Variants in RPS6KC1 observed in about 807,000 individuals in gnomAD.
The protein encoded by RPS6KC1 is inactive ribosomal protein S6 kinase delta-1.
Under a neutral mutation model 103.8 loss-of-function variants are expected in RPS6KC1, and 54 were observed. The observed-to-expected ratio is 0.52, with a 90% CI of 0.42 to 0.65. The LOEUF is 0.65. RPS6KC1 is among the 30% of genes least tolerant of loss of function. The pLI is 0.00. For missense variants in RPS6KC1, 1,151 were observed against 1,253.8 expected (o/e 0.92, Z 1.24); for synonymous variants, 439 against 438.7 (o/e 1.00, Z -0.01).
chr1:213,322,981 C>G, the RPS6KC1 span, among the ~76,000 whole-genome samples: 1 of 130,354 alleles, frequency 7.7e-6, no homozygotes, highest in Non-Finnish European at 1.6e-5. Context: ...TCAAGCTGGT[C>G]TCGAACCCCT....
At chr1:213,380,784 C>T in the RPS6KC1 span, among the ~76,000 whole-genome samples, 1 of 152,168 alleles carries the variant, frequency 6.6e-6, no homozygotes, top group East Asian at 1.9e-4. Flanking sequence ...GGTTCTTCTT[C>T]CTCGTCTCAG....
At chr1:213,260,040 T>C (rs2094747673) in intron 12 of RPS6KC1, among the ~76,000 whole-genome samples, 1 of 152,210 alleles carries the variant, frequency 6.6e-6, no homozygotes, top group South Asian at 2.1e-4. Context: ...CGCCTGGCCC[T>C]ATTTAAAATG....
the RPS6KC1 span, among the ~76,000 whole-genome samples, chr1:213,283,740 A>C: frequency 1.3e-5 from 2 of 152,196 alleles, no homozygotes; most frequent in Non-Finnish European, 2.9e-5. Context: ...GAGTGGAATT[A>C]AAAGGGAATA....
chr1:213,594,747 G>A, the RPS6KC1 span, among the ~76,000 whole-genome samples: 1 of 152,200 alleles, frequency 6.6e-6, no homozygotes. Flanking sequence ...ACCCATTAGG[G>A]CATGGAGTCT....
At chr1:213,561,582 C>A in the RPS6KC1 span, among the ~76,000 whole-genome samples, 8 of 152,200 alleles carry the variant, frequency 5.3e-5, no homozygotes, top group Non-Finnish European at 1.2e-4. Context: ...CAGCTGGGCT[C>A]CCTTACCACT....
intron 5 of RPS6KC1, among the ~76,000 whole-genome samples, chr1:213,120,184 C>T (rs188534138): frequency 1.9e-4 from 29 of 152,192 alleles, no homozygotes; most frequent in African/African-American, 6.3e-4. Flanking sequence ...CCTGTCAGTG[C>T]GGTTTAGTTT....
chr1:213,183,052 C>T (rs962340358), intron 8 of RPS6KC1, among the ~76,000 whole-genome samples: 4 of 151,450 alleles, frequency 2.6e-5, no homozygotes, highest in Admixed American at 2.0e-4. Context: ...AAATATGCTT[C>T]ATACCAAAGA....
At chr1:213,845,622 T>C in the RPS6KC1 span, among the ~76,000 whole-genome samples, 1 of 152,206 alleles carries the variant, frequency 6.6e-6, no homozygotes, top group Non-Finnish European at 1.5e-5. Context: ...AAGAATCTTG[T>C]TATGTGAAGG....
intron 3 of RPS6KC1, among the ~76,000 whole-genome samples, chr1:213,100,119 C>T (rs78070698): frequency 0.012 from 1,757 of 152,320 alleles, 18 homozygotes; most frequent in Middle Eastern, 0.031. Flanking sequence ...CTCTTACCAA[C>T]ATTGGGCATT....
the RPS6KC1 span, among the ~76,000 whole-genome samples, chr1:213,404,814 A>C: frequency 2.0e-5 from 3 of 152,210 alleles, no homozygotes; most frequent in East Asian, 5.8e-4. Flanking sequence ...TTTCTTCTCA[A>C]ATGATACTAA....
chr1:213,194,146 G>T (rs1280874488), intron 8 of RPS6KC1, among the ~76,000 whole-genome samples: 1 of 152,010 alleles, frequency 6.6e-6, no homozygotes. Flanking sequence ...GCTCTGCATG[G>T]TTTCCATTGG....
In RPS6KC1 at chr1:213,241,500, A is replaced by T. The variant is rs1275723734; in HGVS notation, c.2024A>T (p.Asp675Val). ...TCAGTGCCAGTTATTTCATTTAAAGATGCTGCTTTTGATGATGTCAGTGGT... is the reference window on the plus strand; with the variant it reads ...TCAGTGCCAGTTATTTCATTTAAAGTTGCTGCTTTTGATGATGTCAGTGGT... ...DDSVPVISFK[D>V]AAFDDVSGTD... The change falls in exon 11 of 15, where the codon GAT becomes GTT. Residue 675 changes from aspartate (D) to valine (V), a missense_variant. Coordinates refer to ENST00000366960, the MANE Select transcript of RPS6KC1 (RefSeq NM_012424.6). The T allele has an allele frequency of 1.9e-6, 3 of 1,613,850 alleles. No individual in the cohort carries two copies. The highest frequency in any genetic ancestry group is 2.5e-6 in the Non-Finnish European group (3 of 1,179,902).
chr1:213,850,931 T>C, the RPS6KC1 span, among the ~76,000 whole-genome samples: 2 of 152,156 alleles, frequency 1.3e-5, no homozygotes, highest in South Asian at 4.1e-4. Flanking sequence ...TTTCTGACAG[T>C]CAGAAACATG....
intron 12 of RPS6KC1, among the ~76,000 whole-genome samples, chr1:213,244,499 A>T (rs1207824720): frequency 6.6e-6 from 1 of 152,034 alleles, no homozygotes; most frequent in Admixed American, 6.6e-5. Flanking sequence ...AAGTGTATAT[A>T]TTGTTACTTA....
chr1:213,304,383 A>T, the RPS6KC1 span, among the ~76,000 whole-genome samples: 1 of 152,170 alleles, frequency 6.6e-6, no homozygotes, highest in East Asian at 1.9e-4. Flanking sequence ...AATTTGAAAA[A>T]TGTAGAAACT....
chr1:213,777,477 C>T, the RPS6KC1 span, among the ~76,000 whole-genome samples: 1 of 152,120 alleles, frequency 6.6e-6, no homozygotes, highest in South Asian at 2.1e-4. Context: ...AATTTGCTGT[C>T]TTATGAGTGG....
At chr1:213,152,022 C>A (rs1211913271) in intron 6 of RPS6KC1, among the ~76,000 whole-genome samples, 1 of 139,678 alleles carries the variant, frequency 7.2e-6, no homozygotes, top group Non-Finnish European at 1.6e-5. Flanking sequence ...GCGCCCCTCA[C>A]CTCCCGGACG....
At chr1:213,706,132 C>G in the RPS6KC1 span, among the ~76,000 whole-genome samples, 1 of 152,164 alleles carries the variant, frequency 6.6e-6, no homozygotes, top group African/African-American at 2.4e-5. Flanking sequence ...TCCACTAACT[C>G]TGGGCCCAGT....
At chr1:213,414,515 G>T in the RPS6KC1 span, among the ~76,000 whole-genome samples, 1 of 152,142 alleles carries the variant, frequency 6.6e-6, no homozygotes, top group Non-Finnish European at 1.5e-5. Flanking sequence ...TACTAGTTGA[G>T]GAGCACCAAG....
Sources: allele counts gnomAD v4.1 joint callset (sites outside exome capture counted in the v4.1 genomes callset), GRCh38; gene constraint gnomAD v4.1.1; transcripts MANE v1.5; gene names NCBI Gene and HGNC (gene_info 2026-07-23, HGNC 2026-07-21).